Variants in TIA1 observed in about 807,000 individuals in gnomAD.
TIA1 encodes the protein cytotoxic granule associated RNA binding protein TIA1.
TIA1 carries 23 observed loss-of-function variants against 65.9 expected under a neutral mutation model. The observed-to-expected ratio is 0.35, with a 90% confidence interval of 0.25 to 0.49. TIA1 has a LOEUF of 0.49. TIA1 is among the 20% of genes least tolerant of loss of function. The probability of loss-of-function intolerance (pLI) is 0.98; values close to 1 mark genes in which losing one functional copy is unlikely to be tolerated. For synonymous variants in TIA1, 147 were observed against 149.4 expected, an observed-to-expected ratio of 0.98 and a Z score of 0.12; for missense variants, 371 against 477.9, an observed-to-expected ratio of 0.78 and a Z score of 2.09.
chr2:70,248,516 G>T lies in TIA1; in HGVS notation c.-86C>A, dbSNP rs774856834. The T allele has an allele frequency of 6.3e-7, 1 of 1,590,546 alleles. No individual in the cohort carries two copies. The highest frequency in any genetic ancestry group is 2.2e-5 in the East Asian group (1 of 44,586). ...ATCGTTTAAGCGGTTATGGCTACAG[G>T]ATAGTGGGGTTTCTCGGCTGACCAG... On this transcript the variant is annotated 5_prime_UTR_variant, in exon 1 of 13. Coordinates refer to ENST00000433529, the MANE Select transcript of TIA1 (RefSeq NM_022173.4).
chr2:70,231,360 G>A (rs1573549965), intron 2 of TIA1, among the ~76,000 whole-genome samples: 1 of 151,986 alleles, frequency 6.6e-6, no homozygotes, highest in African/African-American at 2.4e-5. Context: ...TACTTTAGGA[G>A]GCTGAGGTGG....
chr2:70,228,955 TCTC>T, intron 5 of TIA1, 101 bp downstream of exon 5: 1 of 1,065,574 alleles, frequency 9.4e-7, no homozygotes. Context: ...AGAAATAATA[TCTC>T]CTCCCGCCCC....
Position 70,211,596 on chromosome 2 carries a change from A to G in TIA1, c.*1123T>C, listed in dbSNP as rs1676505075. On this transcript the variant is annotated 3_prime_UTR_variant, in exon 13 of 13. Coordinates refer to ENST00000433529, the MANE Select transcript of TIA1 (RefSeq NM_022173.4). Reference sequence around the variant, plus strand: ...TGATTCACTCTTTTTGAGCAAATCTACCTAGAAAACGGCAAATTAATATAT... The same window carrying G: ...TGATTCACTCTTTTTGAGCAAATCTGCCTAGAAAACGGCAAATTAATATAT... The G allele has an allele frequency of 6.6e-6, 1 of 152,566 alleles. No individual in the cohort carries two copies. Among genetic ancestry groups the G allele is most frequent in the African/African-American group, 2.4e-5 (1 of 41,434 alleles). 9.5% of individuals were successfully genotyped at this position (152,566 alleles called of 1,614,324 possible).
At chr2:70,230,383 G>C (rs1043695684) in intron 3 of TIA1, among the ~76,000 whole-genome samples, 11 of 152,152 alleles carry the variant, frequency 7.2e-5, no homozygotes, top group Non-Finnish European at 1.5e-4. Context: ...AGGCGCGGTG[G>C]CTCACATCTA....
At chr2:70,234,855 C>T (rs1054393460) in intron 2 of TIA1, among the ~76,000 whole-genome samples, 8 of 151,760 alleles carry the variant, frequency 5.3e-5, no homozygotes, top group Admixed American at 3.3e-4. Flanking sequence ...CCACTGTGCC[C>T]GGCTAAATAA....
chr2:70,220,206 G>A (rs1428134581), intron 7 of TIA1, among the ~76,000 whole-genome samples: 1 of 152,006 alleles, frequency 6.6e-6, no homozygotes, highest in Non-Finnish European at 1.5e-5. Context: ...CCAGGAGTTC[G>A]AGACCAGCCT....
At chr2:70,225,321 C>T (rs1683346563) in intron 6 of TIA1, 4 of 1,272,120 alleles carry the variant, frequency 3.1e-6, no homozygotes, top group Non-Finnish European at 4.1e-6. Flanking sequence ...TAAAAAAGCA[C>T]GCCAACATTT....
intron 1 of TIA1, among the ~76,000 whole-genome samples, chr2:70,244,829 T>C (rs111573905): frequency 0.097 from 10,377 of 106,940 alleles, 473 homozygotes; most frequent in East Asian, 0.21. Flanking sequence ...AGCGAGACTC[T>C]GTCTCAAAAA....
At chr2:70,216,346 T>C in intron 9 of TIA1, 54 bp from the exon 10 acceptor site, 37 of 1,583,004 alleles carry the variant, frequency 2.3e-5, no homozygotes, top group Non-Finnish European at 3.2e-5. Context: ...ATAAAAATCC[T>C]ACAAATATTA....
intron 2 of TIA1, among the ~76,000 whole-genome samples, chr2:70,235,541 A>AGTGTGTGTATGAGTGTGT (rs1553451643): frequency 6.8e-6 from 1 of 147,204 alleles, no homozygotes; most frequent in Admixed American, 6.8e-5. Context: ...TAGATGAATG[A>AGTGTGTGTATGAGTGTGT]GTGTGTGTGT....
chr2:70,221,063 G>C (rs1474072662), intron 7 of TIA1, among the ~76,000 whole-genome samples: 1 of 152,102 alleles, frequency 6.6e-6, no homozygotes, highest in Non-Finnish European at 1.5e-5. Flanking sequence ...CTGGAGTGCA[G>C]TGGCATAATC....
intron 1 of TIA1, 47 bp from the exon 2 acceptor site, chr2:70,236,222 G>C: frequency 8.1e-7 from 1 of 1,240,822 alleles, no homozygotes; most frequent in Non-Finnish European, 1.2e-6. Context: ...TTTTGAGACA[G>C]AGTTTCACTC....
chr2:70,240,237 T>C (rs1318136708), intron 1 of TIA1, among the ~76,000 whole-genome samples: 1 of 152,186 alleles, frequency 6.6e-6, no homozygotes, highest in African/African-American at 2.4e-5. Flanking sequence ...ATATATAATA[T>C]GAATTACACA....
chr2:70,237,928 G>T (rs1043680001), intron 1 of TIA1, among the ~76,000 whole-genome samples: 1 of 151,988 alleles, frequency 6.6e-6, no homozygotes, highest in Non-Finnish European at 1.5e-5. Flanking sequence ...TTGGGAGGCC[G>T]AGGTGGGCGG....
chr2:70,228,765 A>G, intron 5 of TIA1: 2 of 1,307,236 alleles, frequency 1.5e-6, no homozygotes, highest in Non-Finnish European at 1.9e-6. Context: ...AGATCTGGGT[A>G]TGAAGCCCAA....
chr2:70,236,251 T>C, intron 1 of TIA1, 76 bp from the exon 2 acceptor site: 3 of 938,490 alleles, frequency 3.2e-6, no homozygotes, highest in Non-Finnish European at 5.0e-6. Context: ...CAGGATAGAG[T>C]GCAATGGCAC....
chr2:70,228,896 T>C (rs763227634), intron 5 of TIA1, 163 bp downstream of exon 5: 3 of 1,461,774 alleles, frequency 2.1e-6, no homozygotes, highest in Admixed American at 2.7e-5. Flanking sequence ...GGACAAGTTA[T>C]ACTTGGTCAA....
intron 6 of TIA1, 45 bp from the exon 7 acceptor site, chr2:70,224,674 C>A (rs771777513): frequency 2.5e-6 from 4 of 1,596,216 alleles, no homozygotes; most frequent in Admixed American, 1.7e-5. Flanking sequence ...AAACTATCCT[C>A]TGGATATCAA....
chr2:70,244,482 G>T (rs1693338280), intron 1 of TIA1, among the ~76,000 whole-genome samples: 1 of 152,028 alleles, frequency 6.6e-6, no homozygotes, highest in Non-Finnish European at 1.5e-5. Context: ...TTAATTACTA[G>T]CAGTTATTTG....
Sources: allele counts gnomAD v4.1 joint callset (sites outside exome capture counted in the v4.1 genomes callset), GRCh38; gene constraint gnomAD v4.1.1; transcripts MANE v1.5; gene names NCBI Gene and HGNC (gene_info 2026-07-23, HGNC 2026-07-21).